The following USP34 variants were observed in gnomAD, a reference collection of about 807,000 sequenced individuals.
USP34 encodes ubiquitin carboxyl-terminal hydrolase 34.
USP34 carries 70 observed loss-of-function variants against 460.3 expected under a neutral mutation model. That is an observed-to-expected ratio of 0.15 (90% CI 0.13 to 0.19). The LOEUF is 0.19. USP34 is among the 10% of genes least tolerant of loss of function. The pLI, the probability that USP34 is intolerant of heterozygous loss-of-function variation, is 1.00. For missense variants in USP34, 3,985 were observed against 4,236.2 expected (o/e 0.94, Z 1.65); for synonymous variants, 1,647 against 1,405.3 (o/e 1.17, Z -3.85).
At chr2:61,281,773 A>T (rs1421622938) in intron 37 of USP34, among the ~76,000 whole-genome samples, 2 of 152,192 alleles carry the variant, frequency 1.3e-5, no homozygotes, top group African/African-American at 4.8e-5. Context: ...TAATGACAAC[A>T]GGTAAATACA....
chr2:61,459,924 T>C (rs1385152858), intron 1 of USP34, among the ~76,000 whole-genome samples: 1 of 152,080 alleles, frequency 6.6e-6, no homozygotes, highest in Admixed American at 6.5e-5. Context: ...TAGCTGGACA[T>C]GGTGGCGGAC....
At chr2:61,399,225 G>C (rs569095442) in intron 3 of USP34, among the ~76,000 whole-genome samples, 6 of 151,914 alleles carry the variant, frequency 3.9e-5, no homozygotes, top group African/African-American at 1.4e-4. Flanking sequence ...TGTAATCCCA[G>C]CTACTCAGGA....
At chr2:61,231,998 T>C (rs1186928935) in intron 58 of USP34, among the ~76,000 whole-genome samples, 3 of 151,976 alleles carry the variant, frequency 2.0e-5, no homozygotes, top group East Asian at 1.9e-4. Context: ...TTAAATTTCA[T>C]TGTCTATTTT....
Position 61,236,007 on chromosome 2 carries a change from C to A in USP34, c.6966+19G>T, listed in dbSNP as rs1181807843. 3 of 1,603,188 alleles carry A rather than the reference C, an allele frequency of 1.9e-6. No individual in the cohort carries two copies. Among genetic ancestry groups the A allele is most frequent in the African/African-American group, 1.4e-5 (1 of 74,024 alleles). On this transcript the variant is annotated intron_variant, in intron 56 of 79. Transcript: ENST00000398571. ...TAAAAACATAAATGACAAAAAAATC[C>A]ATAGTAGAAAACACATACCTTTTCT...
chr2:61,405,291 A>G (rs1334502487), intron 3 of USP34, among the ~76,000 whole-genome samples: 1 of 150,888 alleles, frequency 6.6e-6, no homozygotes, highest in Non-Finnish European at 1.5e-5. Flanking sequence ...AAATACTATT[A>G]TTTGAAACTA....
At chr2:61,232,112 C>T (rs953274845) in intron 58 of USP34, among the ~76,000 whole-genome samples, 1 of 151,772 alleles carries the variant, frequency 6.6e-6, no homozygotes, top group East Asian at 1.9e-4. Flanking sequence ...ACTATAGTAC[C>T]CTACCATGGT....
intron 20 of USP34, 75 bp downstream of exon 20, chr2:61,331,201 T>A (rs1691250837): frequency 1.5e-6 from 2 of 1,304,792 alleles, no homozygotes; most frequent in South Asian, 2.9e-5. Flanking sequence ...GAAAAAAAGT[T>A]AAAACACTGG....
chr2:61,264,629 T>C (rs1688991944), intron 43 of USP34, among the ~76,000 whole-genome samples: 1 of 152,228 alleles, frequency 6.6e-6, no homozygotes, highest in Non-Finnish European at 1.5e-5. Flanking sequence ...TGACAGACAC[T>C]GAGTCCTGCC....
intron 2 of USP34, among the ~76,000 whole-genome samples, chr2:61,413,737 G>A (rs1315324487): frequency 2.2e-4 from 32 of 145,706 alleles, no homozygotes; most frequent in African/African-American, 8.2e-4. Context: ...TAGCACTTTG[G>A]GAGGCCAAGG....
chr2:61,253,128 A>C (rs998203793), intron 48 of USP34, among the ~76,000 whole-genome samples: 7 of 152,204 alleles, frequency 4.6e-5, no homozygotes, highest in African/African-American at 1.4e-4. Context: ...TCACTTCCTC[A>C]ATTGGCCCAT....
At chr2:61,280,537 G>C (rs535470379) in intron 38 of USP34, among the ~76,000 whole-genome samples, 189 bp from the exon 39 acceptor site, 6 of 151,948 alleles carry the variant, frequency 3.9e-5, no homozygotes, top group Non-Finnish European at 4.4e-5. Flanking sequence ...AATGACAAAC[G>C]TAAGAACTTT....
At chr2:61,368,281 A>G (rs56412918) in intron 10 of USP34, among the ~76,000 whole-genome samples, 22,409 of 152,168 alleles carry the variant, frequency 0.15, 2,172 homozygotes, top group South Asian at 0.36. Flanking sequence ...AAAACACAAA[A>G]ATTAGCTGGG....
At chr2:61,360,798 G>A (rs933043248) in intron 10 of USP34, among the ~76,000 whole-genome samples, 5 of 152,128 alleles carry the variant, frequency 3.3e-5, no homozygotes, top group Admixed American at 6.6e-5. Flanking sequence ...TGGGACTACA[G>A]GGACGTACCA....
intron 25 of USP34, among the ~76,000 whole-genome samples, chr2:61,312,839 G>A (rs1186672402): frequency 1.3e-5 from 2 of 152,172 alleles, no homozygotes; most frequent in African/African-American, 4.8e-5. Context: ...AGTGTCTCCA[G>A]GGATTACGTA....
At chr2:61,326,394 T>C (rs1691091106) in intron 20 of USP34, among the ~76,000 whole-genome samples, 2 of 152,078 alleles carry the variant, frequency 1.3e-5, no homozygotes. Context: ...GGCTAATTTT[T>C]GTTATTTTTA....
At chr2:61,366,373 G>T (rs1311907749) in intron 10 of USP34, among the ~76,000 whole-genome samples, 1 of 152,198 alleles carries the variant, frequency 6.6e-6, no homozygotes, top group Non-Finnish European at 1.5e-5. Context: ...TGGACAGAAG[G>T]AAGACATGGA....
chr2:61,303,383 T>G (rs1464129265), intron 27 of USP34, among the ~76,000 whole-genome samples: 4 of 152,028 alleles, frequency 2.6e-5, no homozygotes, highest in Non-Finnish European at 4.4e-5. Context: ...TCGTAACATC[T>G]TAAAATTGCT....
intron 33 of USP34, among the ~76,000 whole-genome samples, chr2:61,289,624 C>T (rs938060667): frequency 3.9e-5 from 6 of 152,050 alleles, no homozygotes; most frequent in Non-Finnish European, 5.9e-5. Flanking sequence ...AGAAATGGTA[C>T]TTTCTTCCTG....
chr2:61,339,247 G>A, intron 18 of USP34, 104 bp downstream of exon 18: 1 of 1,115,846 alleles, frequency 9.0e-7, no homozygotes, highest in South Asian at 1.9e-5. Context: ...GATTAATACA[G>A]GTATATGAAA....
Sources: allele counts gnomAD v4.1 joint callset (sites outside exome capture counted in the v4.1 genomes callset), GRCh38; gene constraint gnomAD v4.1.1; transcripts MANE v1.5; gene names NCBI Gene and HGNC (gene_info 2026-07-23, HGNC 2026-07-21).